KPNA3: variants seen among roughly 807,000 people sequenced by gnomAD.
KPNA3 encodes importin subunit alpha-4.
KPNA3 carries 13 observed loss-of-function variants against 73.8 expected under a neutral mutation model. The ratio of observed to expected loss-of-function variants is 0.18; its 90% CI spans 0.11 to 0.28. The LOEUF (loss-of-function observed/expected upper bound fraction) is 0.28. KPNA3 is among the 10% of genes least tolerant of loss of function. KPNA3 has a pLI of 1.00. For missense variants in KPNA3, 360 were observed against 618.1 expected, an observed-to-expected ratio of 0.58 and a Z score of 4.43; for synonymous variants, 186 against 206.9, an observed-to-expected ratio of 0.90 and a Z score of 0.87.
At chr13:49,779,157 T>C (rs1326853407) in intron 1 of KPNA3, among the ~76,000 whole-genome samples, 1 of 152,186 alleles carries the variant, frequency 6.6e-6, no homozygotes, top group Non-Finnish European at 1.5e-5. Context: ...GTTTAACAAT[T>C]CTAACTAAAA....
At position 49,763,190 on chromosome 13, in the gene KPNA3, C is replaced by T. The variant is rs138751811; in HGVS notation, c.70-16197G>A. Among the ~76,000 whole-genome samples, 52 of 151,972 alleles carry T rather than the reference C, an allele frequency of 3.4e-4. No homozygotes were observed. In the East Asian group the frequency reaches 9.9e-3, roughly 29 times the overall value. ...GCCAGAAGAAATGATCAGAAATGACCAGATCTGAAAAATGAAAAGAACCAA... is the reference window on the plus strand; with the variant it reads ...GCCAGAAGAAATGATCAGAAATGACTAGATCTGAAAAATGAAAAGAACCAA... On this transcript the variant is annotated intron_variant, in intron 1 of 16. Coordinates refer to ENST00000261667, the MANE Select transcript of KPNA3 (RefSeq NM_002267.4).
At chr13:49,704,449 ATAAATAAAT>A (rs1566330858) in intron 15 of KPNA3, among the ~76,000 whole-genome samples, 2 of 62,102 alleles carry the variant, frequency 3.2e-5, no homozygotes, top group South Asian at 5.1e-4. Context: ...AAATAAATAA[ATAAATAAAT>A]AAATAAATAA....
intron 15 of KPNA3, among the ~76,000 whole-genome samples, chr13:49,704,036 A>C (rs1405470140): frequency 6.6e-6 from 1 of 152,206 alleles, no homozygotes; most frequent in Non-Finnish European, 1.5e-5. Flanking sequence ...CTTAATAGTA[A>C]GAAGATCTGG....
At chr13:49,759,624 C>G (rs1954741584) in intron 1 of KPNA3, among the ~76,000 whole-genome samples, 1 of 152,190 alleles carries the variant, frequency 6.6e-6, no homozygotes, top group African/African-American at 2.4e-5. Flanking sequence ...TCATAAGGAA[C>G]ATGCACCTAG....
In KPNA3 at chr13:49,709,839, C is replaced by G. The variant is rs76675578; in HGVS notation, c.904-139G>C. The G allele has an allele frequency of 9.7e-3, 5,727 of 589,916 alleles. 277 individuals carry two copies. The African/African-American group carries it at 0.099, about 10-fold the overall frequency. The allele number at this position is 589,916 out of a possible 1,614,324, so 36.5% of individuals were successfully genotyped here. ...ATCCTTTCACAAAGCACCAAGCAGT[C>G]TGAGAGCTATTCTGAATTTTAAATA... On this transcript the variant is annotated intron_variant, in intron 11 of 16. Transcript: ENST00000261667.
chr13:49,704,976 T>C (rs1954192308), intron 15 of KPNA3, among the ~76,000 whole-genome samples: 1 of 152,174 alleles, frequency 6.6e-6, no homozygotes, highest in Non-Finnish European at 1.5e-5. Flanking sequence ...CTGGATTAAA[T>C]AAAGCTTTAA....
intron 6 of KPNA3, among the ~76,000 whole-genome samples, chr13:49,725,861 T>C (rs1954404847): frequency 6.6e-6 from 1 of 152,110 alleles, no homozygotes; most frequent in Non-Finnish European, 1.5e-5. Flanking sequence ...AGGCTGGTCC[T>C]GAACCCCTGA....
intron 6 of KPNA3, 145 bp from the exon 7 acceptor site, chr13:49,725,646 C>CAT: frequency 5.2e-6 from 2 of 382,332 alleles, no homozygotes; most frequent in Non-Finnish European, 9.2e-6. Flanking sequence ...GCCAACCCTA[C>CAT]TTTTTTTTTT....
At chr13:49,738,189 T>G (rs1954541930) in intron 2 of KPNA3, among the ~76,000 whole-genome samples, 4 of 152,226 alleles carry the variant, frequency 2.6e-5, no homozygotes, top group African/African-American at 4.8e-5. Flanking sequence ...GCAGGTGTAT[T>G]TCTGGGTTAT....
In KPNA3 at chr13:49,764,142, G is replaced by GT. The variant is rs564790825; in HGVS notation, c.70-17150dup. ...GGTTTGTTTTGTTTTGTTTTGTTTT[G>GT]TTTTTTTGAGACAGAATCTCGCTCT... On this transcript the variant is annotated intron_variant, in intron 1 of 16. Coordinates refer to ENST00000261667, the MANE Select transcript of KPNA3 (RefSeq NM_002267.4). Among the ~76,000 whole-genome samples the GT allele has an allele frequency of 1.3e-4, 9 of 67,954 alleles. No homozygotes were observed. In the East Asian group the frequency reaches 2.3e-3, roughly 17 times the overall value. 44.6% of individuals were successfully genotyped at this position (67,954 alleles called of 152,430 possible). A position where few individuals can be genotyped will look rare whatever the true frequency, so the allele number is the denominator to read the frequency against.
In KPNA3 at chr13:49,792,484, T is replaced by C. The variant is rs1325149401; in HGVS notation, c.23A>G (p.Glu8Gly). Residue 8 changes from glutamate to glycine, a missense_variant, in exon 1 of 17, where the codon GAG (glutamate) becomes GGG (glycine). Glu to Gly is a moderately conservative substitution (Grantham distance 98). Around this residue, in one of 3 missense-constraint regions of KPNA3, gnomAD observed 35 missense variants for 30.0 expected, o/e 1.17. Coordinates refer to ENST00000261667, the MANE Select transcript of KPNA3 (RefSeq NM_002267.4). Reference protein sequence around the residue: MAENPSLENHRIKSFKNK... With the variant: MAENPSLGNHRIKSFKNK... ...CTTGAAGCTCTTGATGCGGTGGTTC[T>C]CCAAGCTGGGGTTCTCGGCCATGGC... is the stretch of plus-strand genomic sequence containing the variant. 1 of 1,581,242 alleles carries C rather than the reference T, an allele frequency of 6.3e-7. No homozygotes were observed. Among genetic ancestry groups the C allele is most frequent in the Non-Finnish European group, 8.6e-7 (1 of 1,165,080 alleles).
intron 1 of KPNA3, among the ~76,000 whole-genome samples, chr13:49,779,077 C>T (rs1180453699): frequency 6.6e-6 from 1 of 150,962 alleles, no homozygotes; most frequent in African/African-American, 2.5e-5. Context: ...TCATTAAATT[C>T]CAACGTTCCT....
chr13:49,770,179 CTTTTTTTTTTTT>C (rs35910811), intron 1 of KPNA3, among the ~76,000 whole-genome samples: 1 of 83,838 alleles, frequency 1.2e-5, no homozygotes, highest in South Asian at 4.9e-4. Context: ...TTGTGGGCTG[CTTTTTTTTTTTT>C]TTTTTTTTTT....
intron 10 of KPNA3, among the ~76,000 whole-genome samples, chr13:49,717,551 A>G (rs915284914): frequency 1.3e-5 from 2 of 151,998 alleles, no homozygotes; most frequent in African/African-American, 2.4e-5. Context: ...TGAGTTCTTA[A>G]TATCTTCCCC....
intron 1 of KPNA3, among the ~76,000 whole-genome samples, chr13:49,783,171 C>A (rs1321040987): frequency 6.6e-6 from 1 of 151,786 alleles, no homozygotes; most frequent in Non-Finnish European, 1.5e-5. Context: ...AAGAAAACAA[C>A]TAAATTATAT....
intron 1 of KPNA3, among the ~76,000 whole-genome samples, chr13:49,789,264 T>C (rs1955011837): frequency 6.6e-6 from 1 of 152,172 alleles, no homozygotes; most frequent in Non-Finnish European, 1.5e-5. Flanking sequence ...TCACTCTTCT[T>C]TTTTACCTGG....
At chr13:49,746,839 GT>G in intron 2 of KPNA3, 109 bp downstream of exon 2, 1 of 743,258 alleles carries the variant, frequency 1.3e-6, no homozygotes, top group East Asian at 2.6e-5. Context: ...GTGATGTGTG[GT>G]TTTAGGGATG....
In KPNA3 at chr13:49,717,431, GAAAAAAAAGAAAAAAA is replaced by G. The variant is rs1405061127; in HGVS notation, c.771+2328_771+2343del. On this transcript the variant is annotated intron_variant, in intron 10 of 16. Coordinates refer to ENST00000261667, the MANE Select transcript of KPNA3 (RefSeq NM_002267.4). ...GGTGACAGAGCAAGACTCCATCTCG[GAAAAAAAAGAAAAAAA>G]AAAAAAAAAGAATCAAAGACTCTGC... Among the ~76,000 whole-genome samples, 55 of 62,818 alleles carry G rather than the reference GAAAAAAAAGAAAAAAA, an allele frequency of 8.8e-4. 1 individual carries two copies. In the East Asian group the frequency reaches 0.026, roughly 30 times the overall value. The allele number at this position is 62,818 out of a possible 152,430, so 41.2% of individuals were successfully genotyped here. A position where few individuals can be genotyped will look rare whatever the true frequency, so the allele number is the denominator to read the frequency against.
chr13:49,785,115 TAAG>T (rs1269953532), intron 1 of KPNA3, among the ~76,000 whole-genome samples: 1 of 151,852 alleles, frequency 6.6e-6, no homozygotes. Flanking sequence ...TATAAGCATA[TAAG>T]AAGTTCAGTG....
Sources: gnomAD v4.1 joint callset for allele counts (sites outside exome capture counted in the v4.1 genomes callset) on GRCh38, gnomAD v4.1.1 for gene constraint, gnomAD v4.1.1 regional missense constraint, MANE v1.5 for transcripts, NCBI Gene and HGNC (gene_info 2026-07-23, HGNC 2026-07-21) for gene names.